Variants in EAF1 observed in about 807,000 individuals in gnomAD.
The protein encoded by EAF1 is ELL associated factor 1, also known as ELL-associated factor 1.
In EAF1, 19 loss-of-function variants were observed where a neutral mutation model predicts 26.6. The ratio of observed to expected loss-of-function variants is 0.71; its 90% CI spans 0.50 to 1.05. The LOEUF (loss-of-function observed/expected upper bound fraction) is 1.05, where lower values mean the gene tolerates loss of function less well. EAF1 is among the 50% of genes least tolerant of loss of function. The pLI is 0.00. For synonymous variants in EAF1, 102 were observed against 120.6 expected (o/e 0.85, Z 1.01); for missense variants, 260 against 335.5 (o/e 0.78, Z 1.76).
chr3:15,434,470 T>C lies in EAF1; in HGVS notation c.458T>C (p.Val153Ala). Residue 153 changes from valine (V) to alanine (A), a missense_variant, in exon 4 of 6, where the codon GTT becomes GCT. Physicochemically the swap from Val to Ala is moderately conservative, Grantham distance 64 (BLOSUM62 0). Coordinates refer to ENST00000396842, the MANE Select transcript of EAF1 (RefSeq NM_033083.7). ...MPFRAPTKPP[V>A]GPKTSPLKDN... ...TTCAGAGCTCCAACGAAGCCTCCAG[T>C]TGGACCCAAAACTTCTCCCTTGAAA... The C allele has an allele frequency of 6.2e-7, 1 of 1,614,196 alleles. No homozygotes were observed. The highest frequency in any genetic ancestry group is 8.5e-7 in the Non-Finnish European group (1 of 1,180,036).
At chr3:15,431,617 G>C (rs559551855) in intron 2 of EAF1, among the ~76,000 whole-genome samples, 1 of 152,308 alleles carries the variant, frequency 6.6e-6, no homozygotes, top group East Asian at 1.9e-4. Context: ...TGATTGAAAG[G>C]CTTAGGCAGA....
In EAF1 at chr3:15,434,465, T is replaced by G; in HGVS notation, c.453T>G (p.Pro151=). Residue 151 remains proline, a synonymous_variant, in exon 4 of 6, where the codon CCT becomes CCG. Transcript: ENST00000396842. ...TGCCATTCAGAGCTCCAACGAAGCC[T>G]CCAGTTGGACCCAAAACTTCTCCCT... ...PPMPFRAPTK[P]PVGPKTSPLK... is the part of the protein sequence containing the mutation. 6.2e-7 allele frequency: 1 copy of G among 1,614,140 alleles called. No individual in the cohort carries two copies.
At chr3:15,436,690 A>T in intron 5 of EAF1, 115 bp downstream of exon 5, 2 of 893,698 alleles carry the variant, frequency 2.2e-6, no homozygotes, top group Non-Finnish European at 1.6e-6. Context: ...GGATCTTGTT[A>T]AAAATAGTTT....
At chr3:15,437,158 A>AGTGCTGGGATTATGGGT (rs1412798099) in intron 5 of EAF1, among the ~76,000 whole-genome samples, 1 of 151,810 alleles carries the variant, frequency 6.6e-6, no homozygotes, top group Admixed American at 6.6e-5. Context: ...GGCCTCCCAA[A>AGTGCTGGGATTATGGGT]GTGCTGGGAT....
Position 15,427,664 on chromosome 3 carries a change from C to G in EAF1, c.-116C>G. On this transcript the variant is annotated 5_prime_UTR_variant, in exon 1 of 6. Transcript: ENST00000396842. ...CCGGGTGGGTGCCGGCTCGGCTCTC[C>G]TTGTCTTCCAGAGCGGTGGCCCGGA... 1 of 1,134,764 alleles carries G rather than the reference C, an allele frequency of 8.8e-7. No homozygotes were observed. The highest frequency in any genetic ancestry group is 1.3e-6 in the Non-Finnish European group (1 of 781,622). 70.3% of individuals were successfully genotyped at this position (1,134,764 alleles called of 1,614,324 possible).
rs2061872484 is a variant in EAF1, at chr3:15,441,856, A to G, written c.*2701A>G. 1 of 152,620 alleles carries G rather than the reference A, an allele frequency of 6.6e-6. No homozygotes were observed. Among genetic ancestry groups the G allele is most frequent in the Non-Finnish European group, 1.5e-5 (1 of 68,044 alleles). The allele number at this position is 152,620 out of a possible 1,614,324, so 9.5% of individuals were successfully genotyped here. On this transcript the variant is annotated 3_prime_UTR_variant, in exon 6 of 6. Coordinates refer to ENST00000396842, the MANE Select transcript of EAF1 (RefSeq NM_033083.7). ...TTCCAGGCATTTGGAGACAGCTGAAAGTATCCATGCTGACTTTCATGATTT... is the reference window on the plus strand; with the variant it reads ...TTCCAGGCATTTGGAGACAGCTGAAGGTATCCATGCTGACTTTCATGATTT...
chr3:15,433,470 C>G (rs1472365997), intron 3 of EAF1, among the ~76,000 whole-genome samples: 1 of 152,184 alleles, frequency 6.6e-6, no homozygotes, highest in Non-Finnish European at 1.5e-5. Flanking sequence ...AGATGATATG[C>G]AGAATCTCAA....
intron 4 of EAF1, among the ~76,000 whole-genome samples, chr3:15,435,144 A>G (rs2061827594): frequency 6.6e-6 from 1 of 152,242 alleles, no homozygotes; most frequent in Admixed American, 6.5e-5. Context: ...TCCTGTGCTA[A>G]CACAAAGTGT....
intron 3 of EAF1, among the ~76,000 whole-genome samples, chr3:15,432,906 G>T (rs891287872): frequency 8.6e-5 from 13 of 151,230 alleles, no homozygotes; most frequent in Non-Finnish European, 1.8e-4. Context: ...TAATTAAATT[G>T]TAAAGATTGT....
rs574069723 is a variant in EAF1 at position 15,440,076 on chromosome 3, T to C, written c.*921T>C. The C allele has an allele frequency of 2.0e-5, 3 of 152,332 alleles. No homozygotes were observed. Among genetic ancestry groups the C allele is most frequent in the South Asian group, 2.1e-4 (1 of 4,824 alleles). The allele number at this position is 152,332 out of a possible 1,614,324, so 9.4% of individuals were successfully genotyped here. ...CCATGTGGATCCATACTAAGTATTCTTCAGTCAGTGGATTTTAGCAAGGGG... is the reference window on the plus strand; with the variant it reads ...CCATGTGGATCCATACTAAGTATTCCTCAGTCAGTGGATTTTAGCAAGGGG... On this transcript the variant is annotated 3_prime_UTR_variant, in exon 6 of 6. Coordinates refer to ENST00000396842, the MANE Select transcript of EAF1 (RefSeq NM_033083.7).
intron 5 of EAF1, among the ~76,000 whole-genome samples, chr3:15,437,296 G>A (rs1305912579): frequency 3.4e-5 from 5 of 146,254 alleles, no homozygotes; most frequent in Admixed American, 6.9e-5. Context: ...TGTTGTCCAG[G>A]CTGGAGTGCA....
Position 15,432,210 on chromosome 3 carries a change from G to A in EAF1, c.322G>A (p.Val108Met). 6.2e-7 allele frequency: 1 copy of A among 1,614,056 alleles called. No individual in the cohort carries two copies. The highest frequency in any genetic ancestry group is 2.2e-5 in the East Asian group (1 of 44,864). Residue 108 changes from valine to methionine, a missense_variant, in exon 3 of 6, where the codon GTG becomes ATG. By Grantham distance (21) the Val-to-Met change is conservative. Coordinates refer to ENST00000396842, the MANE Select transcript of EAF1 (RefSeq NM_033083.7). Reference sequence around the variant, plus strand: ...GGAAAAACTCAGTAGCAGCATTCAGGTGAAGAAAACAAGGTATGTGAATAG... The same window carrying A: ...GGAAAAACTCAGTAGCAGCATTCAGATGAAGAAAACAAGGTATGTGAATAG... ...VLEKLSSSIQ[V>M]KKTRAEGSSK...
intron 5 of EAF1, among the ~76,000 whole-genome samples, chr3:15,437,540 C>G (rs1449398554): frequency 2.0e-5 from 3 of 152,142 alleles, no homozygotes; most frequent in African/African-American, 4.8e-5. Flanking sequence ...ATTTCCCCAA[C>G]TGCCGAAGTG....
chr3:15,437,098 G>T (rs1307222524), intron 5 of EAF1, among the ~76,000 whole-genome samples: 1 of 152,160 alleles, frequency 6.6e-6, no homozygotes, highest in Non-Finnish European at 1.5e-5. Context: ...GTTTTGCCAT[G>T]TTGGCCAGGC....
Position 15,439,148 on chromosome 3 carries a change from A to G in EAF1, c.800A>G (p.Asp267Gly), listed in dbSNP as rs1484629934. The change falls in exon 6 of 6, where the codon GAT becomes GGT. Residue 267 changes from aspartate (D) to glycine (G), a missense_variant. Asp to Gly is a moderately conservative substitution (Grantham distance 94, BLOSUM62 -1). Transcript: ENST00000396842. ...TTGAGTGAGTCTGGCAGTGACAGTG[A>G]TGACTAGTGCTGGATCTTTCGAAAC... is the stretch of plus-strand genomic sequence containing the variant. Reference protein sequence around the residue: ...LQLSESGSDSDD With the variant: ...LQLSESGSDSGD 1 of 1,613,244 alleles carries G rather than the reference A, an allele frequency of 6.2e-7. No homozygotes were observed. Among genetic ancestry groups the G allele is most frequent in the African/African-American group, 1.3e-5 (1 of 74,844 alleles).
Position 15,434,531 on chromosome 3 carries a change from CA to C in EAF1, c.523del (p.Arg175GlufsTer3), listed in dbSNP as rs766782711. The stretch of plus-strand genomic sequence containing the variant: ...CACCTGAACCTCAGTTGGATGACAT[CA>C]AAAGAGGTAGAGAACATTTTCTGGA... ...PSPEPQLDDIKRELRAEVDII... is the reference protein window; with the variant it reads ...PSPEPQLDDIXRELRAEVDII... On this transcript the variant is annotated frameshift_variant, in exon 4 of 6. Transcript: ENST00000396842. LOFTEE classifies it high-confidence loss of function. The C allele has an allele frequency of 3.1e-6, 5 of 1,614,004 alleles. No homozygotes were observed. Among genetic ancestry groups the C allele is most frequent in the Non-Finnish European group, 4.2e-6 (5 of 1,180,014 alleles).
rs966429544 is a variant in EAF1, at chr3:15,427,848, G to C, written c.69G>C (p.Glu23Asp). The C allele has an allele frequency of 1.3e-6, 2 of 1,550,808 alleles. No homozygotes were observed. The highest frequency in any genetic ancestry group is 1.7e-6 in the Non-Finnish European group (2 of 1,146,688). ...EHCLRLGESF[E>D]KRPRASFHTI... The stretch of plus-strand genomic sequence containing the variant: ...GCCTGAGGCTCGGGGAGAGCTTCGA[G>C]AAGCGGCCGCGGGCCTCCTTCCACA... Residue 23 changes from glutamate (E) to aspartate (D), a missense_variant, in exon 1 of 6, where the codon GAG (glutamate) becomes GAC (aspartate). Glu to Asp is a conservative substitution (Grantham distance 45). Transcript: ENST00000396842.
At chr3:15,433,627 G>A (rs1159944216) in intron 3 of EAF1, among the ~76,000 whole-genome samples, 1 of 152,234 alleles carries the variant, frequency 6.6e-6, no homozygotes. Flanking sequence ...TTGTCTGCCA[G>A]CAAGAGCTGG....
chr3:15,438,191 G>GT (rs1472528134), intron 5 of EAF1, among the ~76,000 whole-genome samples: 12 of 152,190 alleles, frequency 7.9e-5, no homozygotes, highest in African/African-American at 2.9e-4. Flanking sequence ...GCTACAAGTG[G>GT]TATCAACTGG....
Sources: gnomAD v4.1 joint callset for allele counts (sites outside exome capture counted in the v4.1 genomes callset) on GRCh38, gnomAD v4.1.1 for gene constraint, MANE v1.5 for transcripts, NCBI Gene and HGNC (gene_info 2026-07-23, HGNC 2026-07-21) for gene names.